SYT17: variants seen among roughly 807,000 people sequenced by gnomAD.
SYT17 encodes the protein synaptotagmin-17.
In SYT17, 22 loss-of-function variants were observed where a neutral mutation model predicts 46.7. That is an observed-to-expected ratio of 0.47 (90% CI 0.34 to 0.67). SYT17 has a LOEUF of 0.67. Among genes scored for constraint, SYT17 ranks in the 30% least tolerant of loss-of-function variants. The pLI, the probability that SYT17 is intolerant of heterozygous loss-of-function variation, is 0.01. For missense variants in SYT17, 519 were observed against 612.8 expected, an observed-to-expected ratio of 0.85 and a Z score of 1.62; for synonymous variants, 251 against 248.4, an observed-to-expected ratio of 1.01 and a Z score of -0.10.
intron 3 of SYT17, among the ~76,000 whole-genome samples, chr16:19,175,667 A>AAAAG (rs376222728): frequency 8.8e-5 from 13 of 147,056 alleles, no homozygotes; most frequent in Non-Finnish European, 9.0e-5. Flanking sequence ...AAAAAAAAAA[A>AAAAG]GGATTCTACT....
chr16:19,188,481 T>G (rs1365564932), intron 5 of SYT17, among the ~76,000 whole-genome samples: 9 of 71,606 alleles, frequency 1.3e-4, no homozygotes, highest in Non-Finnish European at 2.5e-5. Context: ...ACTCCTGAAC[T>G]TAAAATAAAA....
chr16:19,259,335 T>C (rs2143001071), intron 7 of SYT17, among the ~76,000 whole-genome samples: 2 of 152,354 alleles, frequency 1.3e-5, no homozygotes, highest in Admixed American at 1.3e-4. Flanking sequence ...CTGTGTTTGC[T>C]ACCAAAATTC....
At chr16:19,190,954 T>A (rs1169634816) in intron 5 of SYT17, among the ~76,000 whole-genome samples, 1 of 152,156 alleles carries the variant, frequency 6.6e-6, no homozygotes, top group Non-Finnish European at 1.5e-5. Context: ...ACTGTGTGTG[T>A]GTTTTTTTAA....
intron 7 of SYT17, among the ~76,000 whole-genome samples, chr16:19,235,281 G>C (rs951113613): frequency 1.3e-4 from 20 of 152,118 alleles, no homozygotes; most frequent in African/African-American, 4.8e-4. Flanking sequence ...GTCTACTAAA[G>C]ACACTGAAAA....
At chr16:19,180,340 C>T in intron 3 of SYT17, 51 bp from the exon 4 acceptor site, 1 of 1,601,362 alleles carries the variant, frequency 6.2e-7, no homozygotes, top group African/African-American at 1.3e-5. Flanking sequence ...ACAGAGATGC[C>T]AGTCCCCGGG....
intron 3 of SYT17, among the ~76,000 whole-genome samples, chr16:19,175,348 C>CTCAT (rs147089864): frequency 0.01 from 1,560 of 151,972 alleles, 27 homozygotes; most frequent in African/African-American, 0.036. Flanking sequence ...GTGAAAGCAA[C>CTCAT]TCATTAATCA....
At chr16:19,266,277 G>A (rs919334178) in intron 7 of SYT17, among the ~76,000 whole-genome samples, 4 of 152,214 alleles carry the variant, frequency 2.6e-5, no homozygotes, top group Admixed American at 2.0e-4. Context: ...ATTGGCCTCC[G>A]CAGGGGCCAT....
intron 7 of SYT17, among the ~76,000 whole-genome samples, chr16:19,227,498 G>A (rs529946919): frequency 4.1e-4 from 63 of 152,020 alleles, no homozygotes; most frequent in African/African-American, 1.3e-3. Flanking sequence ...TGTATTTTTT[G>A]TAGAGACGGG....
intron 3 of SYT17, among the ~76,000 whole-genome samples, chr16:19,177,814 G>A (rs1197235111): frequency 6.6e-6 from 1 of 152,178 alleles, no homozygotes; most frequent in Non-Finnish European, 1.5e-5. Flanking sequence ...GACCCTCATT[G>A]AAGAGTGAAT....
In SYT17 at chr16:19,223,127, C is replaced by T; in HGVS notation, c.1034C>T (p.Ala345Val). Reference protein sequence around the residue: ...AGRLNVDVIRAKQLLQTDVSQ... With the variant: ...AGRLNVDVIRVKQLLQTDVSQ... ...AGACTGAATGTTGATGTCATTCGAGCCAAGCAACTTCTTCAGACAGATGTG... is the reference window on the plus strand; with the variant it reads ...AGACTGAATGTTGATGTCATTCGAGTCAAGCAACTTCTTCAGACAGATGTG... The change falls in exon 6 of 8, where the codon GCC (alanine) becomes GTC (valine). Residue 345 changes from alanine to valine, a missense_variant. Physicochemically the swap from Ala to Val is moderately conservative, Grantham distance 64 (BLOSUM62 0). Coordinates refer to ENST00000355377, the MANE Select transcript of SYT17 (RefSeq NM_016524.4). 1 of 1,613,900 alleles carries T rather than the reference C, an allele frequency of 6.2e-7. No homozygotes were observed.
intron 1 of SYT17, chr16:19,171,871 AG>A (rs1964108485): frequency 6.6e-6 from 1 of 152,208 alleles, no homozygotes; most frequent in Non-Finnish European, 1.5e-5. Flanking sequence ...TTTAAAAGAA[AG>A]GGGATGGGGG....
At chr16:19,235,689 C>A (rs1322122717) in intron 7 of SYT17, among the ~76,000 whole-genome samples, 1 of 152,086 alleles carries the variant, frequency 6.6e-6, no homozygotes, top group Admixed American at 6.6e-5. Flanking sequence ...AAGGGTGAAC[C>A]CTCTTGAAAA....
chr16:19,198,224 C>T (rs1185632209), intron 5 of SYT17, among the ~76,000 whole-genome samples: 2 of 152,092 alleles, frequency 1.3e-5, no homozygotes, highest in African/African-American at 2.4e-5. Flanking sequence ...CACCCCACCC[C>T]GAGAACTAAA....
intron 7 of SYT17, among the ~76,000 whole-genome samples, chr16:19,230,953 A>T (rs1966658110): frequency 1.3e-5 from 2 of 152,240 alleles, no homozygotes; most frequent in South Asian, 4.1e-4. Flanking sequence ...ATGCAGCTAG[A>T]TGCTACCTTG....
At chr16:19,250,107 T>C in intron 7 of SYT17, 2 of 1,494,042 alleles carry the variant, frequency 1.3e-6, no homozygotes, top group Non-Finnish European at 1.8e-6. Flanking sequence ...TGCTTTTATT[T>C]TAAAGGCTTT....
At chr16:19,226,572 A>T (rs1430426486) in intron 7 of SYT17, among the ~76,000 whole-genome samples, 1 of 152,194 alleles carries the variant, frequency 6.6e-6, no homozygotes, top group African/African-American at 2.4e-5. Context: ...CCATATGCAG[A>T]TATAATGATC....
chr16:19,208,884 C>CTTGTTTTTTTTT (rs1965776037), intron 5 of SYT17, among the ~76,000 whole-genome samples: 1 of 63,284 alleles, frequency 1.6e-5, no homozygotes, highest in African/African-American at 7.1e-5. Context: ...CAAGGACCTT[C>CTTGTTTTTTTTT]TTTTTTTTTT....
intron 7 of SYT17, among the ~76,000 whole-genome samples, chr16:19,243,270 C>T (rs1022194663): frequency 6.6e-6 from 1 of 152,148 alleles, no homozygotes; most frequent in Admixed American, 6.5e-5. Context: ...GCCTGTTGTT[C>T]ACTTTCTTGA....
chr16:19,256,140 TC>T lies in SYT17; in HGVS notation c.1229-10738del, dbSNP rs577804525. 6.2e-3 allele frequency among the ~76,000 whole-genome samples: 946 copies of T among 152,234 alleles called. 7 individuals are homozygous for T. The highest frequency in any genetic ancestry group is 0.014 in the Middle Eastern group (4 of 294). On this transcript the variant is annotated intron_variant, in intron 7 of 7. Coordinates refer to ENST00000355377, the MANE Select transcript of SYT17 (RefSeq NM_016524.4). ...TGCGGATTAAATTTGTGTACTGAAA[TC>T]CACAGGACAGGGCTGGTATGTGATA...
Sources: gnomAD v4.1 joint callset for allele counts (sites outside exome capture counted in the v4.1 genomes callset) on GRCh38, gnomAD v4.1.1 for gene constraint, MANE v1.5 for transcripts, NCBI Gene and HGNC (gene_info 2026-07-23, HGNC 2026-07-21) for gene names.